Variants in BBS12 observed in about 807,000 individuals in gnomAD.
BBS12 encodes the protein chaperonin-containing T-complex member BBS12.
A neutral mutation model predicts 5.6 loss-of-function variants in BBS12; 5 were observed. The ratio of observed to expected loss-of-function variants is 0.89; its 90% CI spans 0.46 to 1.86. The LOEUF is 1.86. BBS12 is among the 40% of genes most tolerant of loss of function. The pLI, the probability that BBS12 is intolerant of heterozygous loss-of-function variation, is 0.01. For synonymous variants in BBS12, 308 were observed against 306.8 expected (o/e 1.00, Z -0.04); for missense variants, 748 against 830.4 (o/e 0.90, Z 1.22).
chr4:122,730,337 C>T (rs921549031), upstream of BBS12: 12 of 152,094 alleles, frequency 7.9e-5, no homozygotes, highest in African/African-American at 2.9e-4. Context: ...ATTAATGGCT[C>T]AAAGAAGTCA....
chr4:122,719,951 T>C, the BBS12 span, among the ~76,000 whole-genome samples: 1 of 152,180 alleles, frequency 6.6e-6, no homozygotes, highest in African/African-American at 2.4e-5. Flanking sequence ...ATCAAAATGA[T>C]CCTCTTATAT....
chr4:122,740,548 T>C (rs1305493288), intron 1 of BBS12, among the ~76,000 whole-genome samples: 1 of 152,182 alleles, frequency 6.6e-6, no homozygotes, highest in East Asian at 1.9e-4. Flanking sequence ...AGATTGGGAG[T>C]TCCTTGAGGG....
At chr4:122,722,363 C>G in the BBS12 span, among the ~76,000 whole-genome samples, 1 of 152,172 alleles carries the variant, frequency 6.6e-6, no homozygotes, top group Non-Finnish European at 1.5e-5. Flanking sequence ...AGTCCTCTTA[C>G]CTGTGCTTTG....
rs1464814059 is a variant in BBS12 at position 122,741,911 on chromosome 4, G to C, written c.19G>C (p.Val7Leu). The change falls in exon 2 of 2, where the codon GTC (valine) becomes CTC (leucine). Residue 7 changes from valine (V) to leucine (L), a missense_variant. Val to Leu is a conservative substitution (Grantham distance 32). Coordinates refer to ENST00000314218, the MANE Select transcript of BBS12 (RefSeq NM_152618.3). The stretch of plus-strand genomic sequence containing the variant: ...ATGATACATGGTGATGGCTTGCAGA[G>C]TCGTAAACAAAAGAAGACACATGGG... MVMACRVVNKRRHMGLQ... is the reference protein window; with the variant it reads MVMACRLVNKRRHMGLQ... 6.2e-7 allele frequency: 1 copy of C among 1,614,080 alleles called. No homozygotes were observed. Among genetic ancestry groups the C allele is most frequent in the Non-Finnish European group, 8.5e-7 (1 of 1,180,008 alleles).
chr4:122,718,043 C>A, the BBS12 span, among the ~76,000 whole-genome samples: 2 of 152,130 alleles, frequency 1.3e-5, no homozygotes, highest in Admixed American at 1.3e-4. Flanking sequence ...GTTTTCTCAA[C>A]TGTAAAATCA....
chr4:122,704,751 A>G, the BBS12 span, among the ~76,000 whole-genome samples: 2 of 152,208 alleles, frequency 1.3e-5, no homozygotes, highest in Admixed American at 6.5e-5. Context: ...ATCCCCAAAC[A>G]TGGACACCTG....
intron 1 of BBS12, among the ~76,000 whole-genome samples, chr4:122,734,889 C>G (rs1800762279): frequency 1.3e-5 from 2 of 152,248 alleles, no homozygotes; most frequent in African/African-American, 2.4e-5. Context: ...CATTAATCAT[C>G]ATCATTATCC....
upstream of BBS12, chr4:122,730,702 C>A: frequency 6.6e-6 from 1 of 152,100 alleles, no homozygotes; most frequent in East Asian, 1.9e-4. Context: ...AACACATATT[C>A]AAAACCAAAT....
At chr4:122,729,691 T>C (rs1429949123), upstream of BBS12, 1 of 152,214 alleles carries the variant, frequency 6.6e-6, no homozygotes. Context: ...CTCACCCCTG[T>C]AATCCCAGCA....
At chr4:122,732,142 T>C (rs1800705472), upstream of BBS12, 1 of 152,236 alleles carries the variant, frequency 6.6e-6, no homozygotes, top group Admixed American at 6.5e-5. Context: ...TTCAGTTCAA[T>C]TTTTGCTGCT....
the BBS12 span, among the ~76,000 whole-genome samples, chr4:122,703,312 T>A: frequency 6.6e-6 from 1 of 151,074 alleles, no homozygotes; most frequent in Non-Finnish European, 1.5e-5. Context: ...CTGCAGTCTC[T>A]CTCTCTCTGC....
chr4:122,717,132 G>A, the BBS12 span, among the ~76,000 whole-genome samples: 4 of 152,082 alleles, frequency 2.6e-5, no homozygotes, highest in African/African-American at 7.2e-5. Flanking sequence ...AACTCGTCAA[G>A]GTTAGAATGG....
intron 1 of BBS12, 68 bp from the exon 2 acceptor site, chr4:122,741,815 A>G (rs1800875881): frequency 1.5e-6 from 2 of 1,372,174 alleles, no homozygotes; most frequent in East Asian, 2.5e-5. Context: ...TCTTGTTTTT[A>G]TTTCTATATA....
chr4:122,716,301 TTCAAA>T, the BBS12 span, among the ~76,000 whole-genome samples: 1 of 152,040 alleles, frequency 6.6e-6, no homozygotes, highest in African/African-American at 2.4e-5. Context: ...TTCATAAAAA[TTCAAA>T]TCACACAGAA....
chr4:122,716,260 ACTT>A, the BBS12 span, among the ~76,000 whole-genome samples: 1 of 152,258 alleles, frequency 6.6e-6, no homozygotes, highest in East Asian at 1.9e-4. Context: ...TGAATTTTGT[ACTT>A]CTTTTTATTT....
At chr4:122,728,467 CT>C (rs1256800227), upstream of BBS12, 1 of 152,092 alleles carries the variant, frequency 6.6e-6, no homozygotes, top group Non-Finnish European at 1.5e-5. Context: ...AATATGCATT[CT>C]CTGTAATGAT....
At chr4:122,704,916 C>T in the BBS12 span, among the ~76,000 whole-genome samples, 2 of 152,184 alleles carry the variant, frequency 1.3e-5, no homozygotes, top group African/African-American at 4.8e-5. Context: ...CAATTCTTCC[C>T]ACTAACAAAG....
chr4:122,716,229 AAC>A, the BBS12 span, among the ~76,000 whole-genome samples: 2 of 152,204 alleles, frequency 1.3e-5, no homozygotes, highest in African/African-American at 2.4e-5. Flanking sequence ...TTAGCTTCCT[AAC>A]CTCATTTTTA....
the BBS12 span, among the ~76,000 whole-genome samples, chr4:122,707,868 C>T: frequency 1.3e-5 from 2 of 152,294 alleles, no homozygotes; most frequent in East Asian, 1.9e-4. Context: ...CTTAGCTCCA[C>T]GTACCCAAAG....
Sources: gnomAD v4.1 joint callset for allele counts (sites outside exome capture counted in the v4.1 genomes callset) on GRCh38, gnomAD v4.1.1 for gene constraint, MANE v1.5 for transcripts, NCBI Gene and HGNC (gene_info 2026-07-23, HGNC 2026-07-21) for gene names.